Variants in CNBD1 observed in about 807,000 individuals in gnomAD.
The protein encoded by CNBD1 is cyclic nucleotide binding domain containing 1.
CNBD1 carries 71 observed loss-of-function variants against 54.4 expected under a neutral mutation model. The observed-to-expected ratio is 1.30, with a 90% CI of 1.08 to 1.59. The LOEUF (loss-of-function observed/expected upper bound fraction) is 1.59. Ranked by LOEUF, CNBD1 falls within the 40% of genes most tolerant of loss-of-function variation. The pLI is 0.00. For missense variants in CNBD1, 659 were observed against 518.0 expected, an observed-to-expected ratio of 1.27 and a Z score of -2.64; for synonymous variants, 182 against 170.7, an observed-to-expected ratio of 1.07 and a Z score of -0.51.
intron 8 of CNBD1, among the ~76,000 whole-genome samples, chr8:87,325,402 G>A (rs1440312631): frequency 1.1e-5 from 1 of 87,768 alleles, no homozygotes; most frequent in East Asian, 2.3e-4. Context: ...TGACAGTGGG[G>A]TGTTAAAGTC....
At chr8:87,296,790 T>C (rs1471966878) in intron 8 of CNBD1, among the ~76,000 whole-genome samples, 1 of 152,000 alleles carries the variant, frequency 6.6e-6, no homozygotes, top group Non-Finnish European at 1.5e-5. Flanking sequence ...TGTAATAATA[T>C]ATGGTTTGAG....
At chr8:87,114,640 G>C (rs531804284) in intron 4 of CNBD1, among the ~76,000 whole-genome samples, 10 of 152,262 alleles carry the variant, frequency 6.6e-5, no homozygotes, top group African/African-American at 1.9e-4. Context: ...ATGACCCATT[G>C]CTCCCAGCTG....
intron 4 of CNBD1, among the ~76,000 whole-genome samples, chr8:86,995,880 G>A (rs1212646026): frequency 6.6e-6 from 1 of 152,156 alleles, no homozygotes; most frequent in Non-Finnish European, 1.5e-5. Flanking sequence ...ACATTCATGT[G>A]AAAGATGAAT....
chr8:87,369,943 G>A (rs1230292509), intron 10 of CNBD1, among the ~76,000 whole-genome samples: 6 of 151,364 alleles, frequency 4.0e-5, no homozygotes. Flanking sequence ...TGTTCTCATT[G>A]TTCAATTCCC....
At position 87,378,377 on chromosome 8, in the gene CNBD1, G is replaced by C. The variant is rs939242322; in HGVS notation, c.1304-4243G>C. ...AGTTTCAGCTTTCTACATATGGCTA[G>C]CCAGTTTTCCCAGCACCATTTATTA... On this transcript the variant is annotated intron_variant, in intron 10 of 10. Coordinates refer to ENST00000518476, the MANE Select transcript of CNBD1 (RefSeq NM_173538.3). Among the ~76,000 whole-genome samples the C allele has an allele frequency of 1.2e-4, 18 of 149,598 alleles. 2 individuals carry two copies. Among genetic ancestry groups the C allele is most frequent in the African/African-American group, 4.5e-4 (18 of 39,936 alleles).
intron 3 of CNBD1, among the ~76,000 whole-genome samples, chr8:86,935,365 TCAC>T (rs1176314810): frequency 6.6e-6 from 1 of 152,134 alleles, no homozygotes; most frequent in East Asian, 1.9e-4. Context: ...TTGTTAGAAT[TCAC>T]CAATAGGACC....
At chr8:86,949,803 G>A (rs1807558850) in intron 4 of CNBD1, among the ~76,000 whole-genome samples, 1 of 151,712 alleles carries the variant, frequency 6.6e-6, no homozygotes, top group Non-Finnish European at 1.5e-5. Flanking sequence ...AGATCTTAGA[G>A]AAAAAGCTTC....
At chr8:87,368,508 C>T (rs868688565) in intron 10 of CNBD1, among the ~76,000 whole-genome samples, 4 of 151,656 alleles carry the variant, frequency 2.6e-5, no homozygotes, top group Non-Finnish European at 5.9e-5. Flanking sequence ...CATGGTGCCT[C>T]ACACCTGTAG....
chr8:86,868,263 G>C (rs1457711143), intron 1 of CNBD1, among the ~76,000 whole-genome samples: 1 of 152,150 alleles, frequency 6.6e-6, no homozygotes. Context: ...ATACATCCTT[G>C]ATACTTTGTA....
At chr8:87,016,190 T>C (rs1809353041) in intron 4 of CNBD1, among the ~76,000 whole-genome samples, 1 of 151,782 alleles carries the variant, frequency 6.6e-6, no homozygotes, top group African/African-American at 2.4e-5. Context: ...TATTAAAAAT[T>C]AATTTGGTAC....
intron 6 of CNBD1, among the ~76,000 whole-genome samples, chr8:87,252,693 G>C (rs1263904511): frequency 3.9e-5 from 6 of 152,144 alleles, no homozygotes; most frequent in Non-Finnish European, 5.9e-5. Flanking sequence ...CCAAAACTCA[G>C]AGGGATTTTT....
intron 2 of CNBD1, among the ~76,000 whole-genome samples, chr8:87,395,822 G>T (rs1440108406): frequency 1.3e-5 from 2 of 151,854 alleles, no homozygotes; most frequent in Non-Finnish European, 2.9e-5. Flanking sequence ...AATCATGGGG[G>T]TGGTTACCTG....
chr8:87,111,402 C>T (rs1377493996), intron 4 of CNBD1, among the ~76,000 whole-genome samples: 1 of 152,222 alleles, frequency 6.6e-6, no homozygotes, highest in Non-Finnish European at 1.5e-5. Flanking sequence ...GTTATCTGCT[C>T]AAATCCTGTA....
intron 4 of CNBD1, among the ~76,000 whole-genome samples, chr8:87,019,952 A>G (rs917377972): frequency 7.9e-5 from 12 of 152,184 alleles, no homozygotes; most frequent in Admixed American, 7.9e-4. Context: ...AGATTTATCA[A>G]AAGATCCAAA....
intron 4 of CNBD1, among the ~76,000 whole-genome samples, chr8:87,030,542 C>T (rs538904692): frequency 1.3e-5 from 2 of 152,054 alleles, no homozygotes; most frequent in African/African-American, 4.8e-5. Context: ...TCCTTTTGCT[C>T]TTTTTTTAAT....
intron 8 of CNBD1, among the ~76,000 whole-genome samples, chr8:87,327,339 G>A (rs897199169): frequency 2.0e-5 from 3 of 150,312 alleles, no homozygotes; most frequent in African/African-American, 7.4e-5. Flanking sequence ...CACCCAGTTC[G>A]AGCTTCCCGG....
intron 4 of CNBD1, among the ~76,000 whole-genome samples, chr8:86,944,610 A>T (rs962933645): frequency 1.3e-5 from 2 of 152,214 alleles, no homozygotes; most frequent in African/African-American, 4.8e-5. Context: ...ATTACAAAAA[A>T]TAAAAACCAT....
At chr8:87,394,727 C>T (rs77409095) in intron 2 of CNBD1, among the ~76,000 whole-genome samples, 1 of 151,838 alleles carries the variant, frequency 6.6e-6, no homozygotes, top group East Asian at 1.9e-4. Flanking sequence ...ATAAACTCTT[C>T]TTTATTTTTT....
At chr8:86,911,525 T>A (rs1364361397) in intron 3 of CNBD1, among the ~76,000 whole-genome samples, 58 of 152,168 alleles carry the variant, frequency 3.8e-4, no homozygotes, top group Non-Finnish European at 8.8e-5. Flanking sequence ...TAAATTTATA[T>A]TGTGTATAAT....
Sources: gnomAD v4.1 joint callset for allele counts (sites outside exome capture counted in the v4.1 genomes callset) on GRCh38, gnomAD v4.1.1 for gene constraint, MANE v1.5 for transcripts, NCBI Gene and HGNC (gene_info 2026-07-23, HGNC 2026-07-21) for gene names.